The following DGKD variants were observed in gnomAD, a reference collection of about 807,000 sequenced individuals.
The protein encoded by DGKD is DAG kinase delta.
Under a neutral mutation model 154.4 loss-of-function variants are expected in DGKD, and 68 were observed. That is an observed-to-expected ratio of 0.44 (90% CI 0.36 to 0.54). The LOEUF is 0.54. Ranked by LOEUF, DGKD falls within the 20% of genes least tolerant of loss-of-function variation. The pLI is 0.00. For missense variants in DGKD, 1,343 were observed against 1,593.6 expected (o/e 0.84, Z 2.68); for synonymous variants, 693 against 638.0 (o/e 1.09, Z -1.30).
intron 1 of DGKD, among the ~76,000 whole-genome samples, chr2:233,379,225 CG>C (rs1023198857): frequency 7.9e-5 from 12 of 151,906 alleles, no homozygotes; most frequent in African/African-American, 2.9e-4. Context: ...GAAGACTTCC[CG>C]AAGGTGGTGG....
Position 233,420,431 on chromosome 2 carries a change from G to A in DGKD, c.349-13949G>A, listed in dbSNP as rs76643501. On this transcript the variant is annotated intron_variant, in intron 3 of 29. Transcript: ENST00000264057. Reference sequence around the variant, plus strand: ...AAATAAACATAATAGATATAACAGAGGCACTTGGAATTCTCTTTCCTATCC... The same window carrying A: ...AAATAAACATAATAGATATAACAGAAGCACTTGGAATTCTCTTTCCTATCC... 5.9e-3 allele frequency among the ~76,000 whole-genome samples: 900 copies of A among 152,286 alleles called. 14 individuals carry two copies. Among genetic ancestry groups the A allele is most frequent in the African/African-American group, 0.02 (840 of 41,562 alleles).
rs2242101 is a variant in DGKD, at chr2:233,449,433, G to C, written c.1888+57G>C. 2 of 1,540,656 alleles carry C rather than the reference G, an allele frequency of 1.3e-6. No homozygotes were observed. Among genetic ancestry groups the C allele is most frequent in the Non-Finnish European group, 1.8e-6 (2 of 1,138,276 alleles). On this transcript the variant is annotated intron_variant, in intron 15 of 29. Transcript: ENST00000264057. This position sits in a 1 kb window ranked among gnomAD's most constrained non-coding sequence, Gnocchi z 5.3. ...CTCAGGCCAGCACTGGGCATGCCCA[G>C]CGTCCCCTGAACACGGAGATGACAG...
chr2:233,448,574 C>T (rs552534936), intron 14 of DGKD, among the ~76,000 whole-genome samples, 199 bp downstream of exon 14: 1 of 152,230 alleles, frequency 6.6e-6, no homozygotes, highest in Non-Finnish European at 1.5e-5. Flanking sequence ...AAAGTACACT[C>T]CACACTGTGG....
intron 28 of DGKD, among the ~76,000 whole-genome samples, chr2:233,467,812 A>C (rs1486592956): frequency 6.6e-6 from 1 of 152,234 alleles, no homozygotes; most frequent in Admixed American, 6.5e-5. Flanking sequence ...GCCGCCAGTC[A>C]GGGCAGCTCC....
chr2:233,366,268 G>A (rs1702023871), intron 1 of DGKD, among the ~76,000 whole-genome samples: 1 of 152,226 alleles, frequency 6.6e-6, no homozygotes, highest in African/African-American at 2.4e-5. Flanking sequence ...TGAAAAGATG[G>A]CTCTAGCTGC....
chr2:233,450,740 C>G (rs1054843618), intron 16 of DGKD, among the ~76,000 whole-genome samples, 182 bp from the exon 17 acceptor site: 2 of 152,182 alleles, frequency 1.3e-5, no homozygotes, highest in African/African-American at 4.8e-5. Context: ...GCCCAGCCCC[C>G]CAAACATGTG....
chr2:233,355,196 CCCCTTCAT>C (rs906319758), intron 1 of DGKD, among the ~76,000 whole-genome samples: 2 of 152,194 alleles, frequency 1.3e-5, no homozygotes, highest in Non-Finnish European at 2.9e-5. Flanking sequence ...CACCCCTTCA[CCCCTTCAT>C]CCCAAAAGGG....
intron 25 of DGKD, 60 bp downstream of exon 25, chr2:233,462,519 C>A (rs1575173360): frequency 1.3e-6 from 2 of 1,546,230 alleles, no homozygotes; most frequent in Non-Finnish European, 1.8e-6. Context: ...CCTCGGCCCT[C>A]CCCGTGCGTG....
At chr2:233,447,905 G>A (rs2063139532) in intron 12 of DGKD, 182 bp from the exon 13 acceptor site, 1 of 1,434,556 alleles carries the variant, frequency 7.0e-7, no homozygotes, top group Non-Finnish European at 9.1e-7. Flanking sequence ...CCTAGCACTA[G>A]GTGAGTCCCA....
intron 1 of DGKD, among the ~76,000 whole-genome samples, chr2:233,380,972 G>A (rs1327978796): frequency 1.3e-5 from 2 of 152,130 alleles, no homozygotes. Flanking sequence ...CCAGGGTAGT[G>A]GCAATGGGGA....
chr2:233,464,126 ACT>A (rs761664181), intron 26 of DGKD, 36 bp from the exon 27 acceptor site: 9 of 1,612,304 alleles, frequency 5.6e-6, no homozygotes, highest in South Asian at 2.2e-5. Flanking sequence ...AGCAGTGCAC[ACT>A]CTCCATTTCT....
At chr2:233,464,096 C>G (rs1575177782) in intron 26 of DGKD, 68 bp from the exon 27 acceptor site, 9 of 1,601,424 alleles carry the variant, frequency 5.6e-6, no homozygotes, top group African/African-American at 2.7e-5. Context: ...GACCTCACCC[C>G]CCTGGGCCTC....
intron 1 of DGKD, among the ~76,000 whole-genome samples, chr2:233,378,658 A>AT (rs1195835220): frequency 1.6e-4 from 25 of 151,948 alleles, no homozygotes; most frequent in African/African-American, 4.6e-4. Flanking sequence ...CGCCTTTTGC[A>AT]TTTTTTTCTG....
In DGKD at chr2:233,458,531, A is replaced by G; in HGVS notation, c.2694+134A>G. ...GGCTGCCTCATGTCCTGTCCTGGACAGCTCGTGGCCCCACTTCCTGGGCCA... is the reference window on the plus strand; with the variant it reads ...GGCTGCCTCATGTCCTGTCCTGGACGGCTCGTGGCCCCACTTCCTGGGCCA... On this transcript the variant is annotated intron_variant, in intron 22 of 29. Transcript: ENST00000264057. This position sits in a 1 kb window ranked among gnomAD's most constrained non-coding sequence, Gnocchi z 6.6. 3.6e-6 allele frequency: 2 copies of G among 557,630 alleles called. No homozygotes were observed. Among genetic ancestry groups the G allele is most frequent in the East Asian group, 2.9e-5 (1 of 34,824 alleles). 34.5% of individuals were successfully genotyped at this position (557,630 alleles called of 1,614,324 possible). A position where few individuals can be genotyped will look rare whatever the true frequency, so the allele number is the denominator to read the frequency against.
rs1232009991 is a variant in DGKD at position 233,448,262 on chromosome 2, T to C, written c.1515-14T>C. The C allele has an allele frequency of 1.2e-6, 2 of 1,613,866 alleles. No individual in the cohort carries two copies. The highest frequency in any genetic ancestry group is 1.7e-6 in the Non-Finnish European group (2 of 1,179,940). On this transcript the variant is annotated splice_polypyrimidine_tract_variant and intron_variant, in intron 13 of 29. Transcript: ENST00000264057. ...TGCCTCTCTAGAAGGGTCTTTCTGT[T>C]TTTCTCCCCACAGAGTGCTCTGTGA... is the stretch of plus-strand genomic sequence containing the variant.
At chr2:233,462,609 C>A in intron 25 of DGKD, 34 bp from the exon 26 acceptor site, 1 of 1,600,470 alleles carries the variant, frequency 6.2e-7, no homozygotes. Context: ...GTTCGGCCCC[C>A]CGCCCCCATG....
intron 1 of DGKD, among the ~76,000 whole-genome samples, chr2:233,369,773 AT>A (rs1177248742): frequency 6.6e-6 from 1 of 152,086 alleles, no homozygotes; most frequent in African/African-American, 2.4e-5. Context: ...CCTTGAATTC[AT>A]GTGCAATGGC....
Position 233,397,359 on chromosome 2 carries a change from CAG to C in DGKD, c.348+6879_348+6880del, listed in dbSNP as rs200927104. On this transcript the variant is annotated intron_variant, in intron 3 of 29. Transcript: ENST00000264057. The stretch of plus-strand genomic sequence containing the variant: ...GGACCAGGGTGGCTGAGGGGGGCAG[CAG>C]AGTGAGAGGACTCCAGAGGGGACCA... Among the ~76,000 whole-genome samples, 258 of 104,168 alleles carry C rather than the reference CAG, an allele frequency of 2.5e-3. 28 individuals are homozygous for C. Among genetic ancestry groups the C allele is most frequent in the African/African-American group, 0.011 (246 of 21,892 alleles). 68.3% of individuals were successfully genotyped at this position (104,168 alleles called of 152,430 possible).
At chr2:233,419,255 G>A (rs1010507492) in intron 3 of DGKD, 1 of 985,616 alleles carries the variant, frequency 1.0e-6, no homozygotes, top group African/African-American at 1.7e-5. Context: ...TTTGGTTGGT[G>A]GCTGATTGCA....
Sources: gnomAD v4.1 joint callset for allele counts (sites outside exome capture counted in the v4.1 genomes callset) on GRCh38, gnomAD v4.1.1 for gene constraint, Gnocchi (gnomAD v3.1) non-coding constraint, MANE v1.5 for transcripts, NCBI Gene and HGNC (gene_info 2026-07-23, HGNC 2026-07-21) for gene names.